The following ETV1 variants were observed in gnomAD, a reference collection of about 807,000 sequenced individuals.
The protein encoded by ETV1 is ETS translocation variant 1.
Under a neutral mutation model 62.3 loss-of-function variants are expected in ETV1, and 27 were observed. The ratio of observed to expected loss-of-function variants is 0.43; its 90% CI spans 0.32 to 0.60. The LOEUF (loss-of-function observed/expected upper bound fraction) is 0.60, where lower values mean the gene tolerates loss of function less well. ETV1 is among the 20% of genes least tolerant of loss of function. The probability of loss-of-function intolerance (pLI) is 0.06; values close to 1 mark genes in which losing one functional copy is unlikely to be tolerated. For synonymous variants in ETV1, 222 were observed against 199.6 expected, an observed-to-expected ratio of 1.11 and a Z score of -0.94; for missense variants, 605 against 605.8, an observed-to-expected ratio of 1.00 and a Z score of 0.01.
chr7:13,952,496 G>A (rs1788943373), intron 6 of ETV1, among the ~76,000 whole-genome samples: 1 of 152,130 alleles, frequency 6.6e-6, no homozygotes, highest in Non-Finnish European at 1.5e-5. Context: ...GTTCATAATG[G>A]CAACCCTTAA....
chr7:13,906,253 A>G, intron 12 of ETV1, 177 bp downstream of exon 12: 1 of 461,096 alleles, frequency 2.2e-6, no homozygotes, highest in Non-Finnish European at 3.8e-6. Flanking sequence ...AGGAACACGC[A>G]ATACATTGGT....
chr7:13,976,521 A>G (rs1318542577), intron 6 of ETV1, among the ~76,000 whole-genome samples: 2 of 152,216 alleles, frequency 1.3e-5, no homozygotes, highest in African/African-American at 2.4e-5. Context: ...TGCCCACAAC[A>G]TCTGTTACTT....
chr7:13,984,351 G>A (rs781017187), intron 5 of ETV1, among the ~76,000 whole-genome samples: 1 of 151,926 alleles, frequency 6.6e-6, no homozygotes, highest in Non-Finnish European at 1.5e-5. Context: ...AGACATAAAT[G>A]GACACATCTC....
chr7:13,942,937 C>T (rs556727261), intron 6 of ETV1, among the ~76,000 whole-genome samples: 2 of 151,740 alleles, frequency 1.3e-5, no homozygotes, highest in African/African-American at 4.8e-5. Flanking sequence ...TATTTATAAA[C>T]AGGACACAAA....
At chr7:13,904,497 T>C (rs1215448803) in intron 12 of ETV1, among the ~76,000 whole-genome samples, 1 of 152,146 alleles carries the variant, frequency 6.6e-6, no homozygotes, top group Admixed American at 6.5e-5. Context: ...ATCATAAAAG[T>C]CAACAGTTGC....
At chr7:13,917,375 C>T (rs1056260615) in intron 9 of ETV1, among the ~76,000 whole-genome samples, 1 of 151,182 alleles carries the variant, frequency 6.6e-6, no homozygotes, top group Non-Finnish European at 1.5e-5. Context: ...TGGAGTGTAA[C>T]GGTGCGATCT....
At chr7:13,927,505 A>G (rs1036529569) in intron 9 of ETV1, among the ~76,000 whole-genome samples, 4 of 152,194 alleles carry the variant, frequency 2.6e-5, no homozygotes, top group African/African-American at 9.6e-5. Context: ...TAAACCACAT[A>G]TAAATCTATG....
At chr7:13,949,991 T>G (rs1360840510) in intron 6 of ETV1, among the ~76,000 whole-genome samples, 1 of 152,178 alleles carries the variant, frequency 6.6e-6, no homozygotes, top group East Asian at 1.9e-4. Context: ...AGATACCCAG[T>G]CTGCCCCTGG....
At chr7:13,948,422 G>A (rs1788417442) in intron 6 of ETV1, among the ~76,000 whole-genome samples, 1 of 152,172 alleles carries the variant, frequency 6.6e-6, no homozygotes, top group Admixed American at 6.6e-5. Flanking sequence ...AGTTTTGGAG[G>A]AAGAGCCTTG....
At chr7:13,946,112 A>G (rs1041128944) in intron 6 of ETV1, among the ~76,000 whole-genome samples, 1 of 152,184 alleles carries the variant, frequency 6.6e-6, no homozygotes, top group Admixed American at 6.5e-5. Context: ...TGACTCCTTC[A>G]TTTCATTTGC....
At chr7:13,946,842 G>C (rs1788222777) in intron 6 of ETV1, among the ~76,000 whole-genome samples, 2 of 152,046 alleles carry the variant, frequency 1.3e-5, no homozygotes, top group African/African-American at 2.4e-5. Flanking sequence ...AGGCTGGAGT[G>C]CAGTGGCACA....
intron 7 of ETV1, among the ~76,000 whole-genome samples, chr7:13,936,856 C>T (rs1786861800): frequency 6.6e-6 from 1 of 151,962 alleles, no homozygotes; most frequent in African/African-American, 2.4e-5. Flanking sequence ...GCCTGAGCAA[C>T]ATGGTGAAAC....
At chr7:13,900,964 G>T in intron 12 of ETV1, 125 bp from the exon 13 acceptor site, 1 of 573,660 alleles carries the variant, frequency 1.7e-6, no homozygotes, top group Non-Finnish European at 3.0e-6. Flanking sequence ...AAGTAAAGTA[G>T]CAAGAGCTAT....
intron 3 of ETV1, chr7:13,988,678 A>G: frequency 6.2e-7 from 1 of 1,611,100 alleles, no homozygotes; most frequent in Admixed American, 1.7e-5. Context: ...ATTTGTCTCA[A>G]CTTCATTCTT....
chr7:13,989,802 G>C (rs1418659632), upstream of ETV1: 1 of 391,330 alleles, frequency 2.6e-6, no homozygotes, highest in Non-Finnish European at 4.5e-6. Context: ...CAGGCGGCTT[G>C]CTGCCCCTTC....
intron 3 of ETV1, 134 bp downstream of exon 3, chr7:13,988,874 G>A: frequency 2.6e-6 from 4 of 1,562,524 alleles, no homozygotes; most frequent in Non-Finnish European, 3.5e-6. Flanking sequence ...AAGCAGAGTC[G>A]CCCTACAGTG....
intron 6 of ETV1, among the ~76,000 whole-genome samples, chr7:13,943,054 A>T (rs193230813): frequency 6.2e-4 from 94 of 152,312 alleles, no homozygotes; most frequent in Non-Finnish European, 1.0e-3. Flanking sequence ...GTCACAAGCT[A>T]TAAGATGTTT....
chr7:13,897,229 G>C (rs1781942722), intron 13 of ETV1, among the ~76,000 whole-genome samples: 3 of 152,150 alleles, frequency 2.0e-5, no homozygotes, highest in Admixed American at 2.0e-4. Context: ...AAAGGTATGA[G>C]ATTTTAGAAA....
Position 13,895,916 on chromosome 7 carries a change from C to T in ETV1, c.1384G>A (p.Glu462Lys), listed in dbSNP as rs1781726535. The T allele has an allele frequency of 6.2e-7, 1 of 1,613,652 alleles. No individual in the cohort carries two copies. Among genetic ancestry groups the T allele is most frequent in the Admixed American group, 1.7e-5 (1 of 59,970 alleles). Residue 462 changes from glutamate (E) to lysine (K), a missense_variant, in exon 14 of 14, where the codon GAA (glutamate) becomes AAA (lysine). By Grantham distance (56) the Glu-to-Lys change is moderately conservative. Transcript: ENST00000430479. Reference sequence around the variant, plus strand: ...GGGTGGGGGTTGCAGCAGCCCCCTTCCGGCATGTAGGCCATGCTCTCATCA... The same window carrying T: ...GGGTGGGGGTTGCAGCAGCCCCCTTTCGGCATGTAGGCCATGCTCTCATCA... The part of the protein sequence containing the change: ...HFDESMAYMP[E>K]GGCCNPHPYN...
Sources: gnomAD v4.1 joint callset for allele counts (sites outside exome capture counted in the v4.1 genomes callset) on GRCh38, gnomAD v4.1.1 for gene constraint, MANE v1.5 for transcripts, NCBI Gene and HGNC (gene_info 2026-07-23, HGNC 2026-07-21) for gene names.